Variants in TSHR observed in about 807,000 individuals in gnomAD.
TSHR encodes thyroid stimulating hormone receptor, also known as thyrotropin receptor.
A neutral mutation model predicts 64.1 loss-of-function variants in TSHR; 51 were observed. The ratio of observed to expected loss-of-function variants is 0.80; its 90% CI spans 0.64 to 1.01. The LOEUF is 1.01. TSHR is among the 50% of genes least tolerant of loss of function. The pLI is 0.00. For missense variants in TSHR, 877 were observed against 942.8 expected (o/e 0.93, Z 0.91); for synonymous variants, 361 against 361.9 (o/e 1.00, Z 0.03).
intron 1 of TSHR, among the ~76,000 whole-genome samples, chr14:81,048,938 T>G (rs967548060): frequency 2.0e-5 from 3 of 152,186 alleles, no homozygotes; most frequent in African/African-American, 7.2e-5. Flanking sequence ...TATAAGTGTT[T>G]TGGTCTTTAT....
At chr14:81,006,878 C>A (rs1889635262) in intron 1 of TSHR, among the ~76,000 whole-genome samples, 2 of 152,140 alleles carry the variant, frequency 1.3e-5, no homozygotes, top group African/African-American at 4.8e-5. Flanking sequence ...GATGGGGACA[C>A]AAGTTAGCCC....
chr14:81,114,519 G>A (rs904249771), intron 8 of TSHR, among the ~76,000 whole-genome samples: 14 of 152,202 alleles, frequency 9.2e-5, no homozygotes, highest in East Asian at 5.8e-4. Flanking sequence ...CACCTGGCTC[G>A]GAGGGTCCTA....
Position 80,999,852 on chromosome 14 carries a change from C to G in TSHR, c.170+44002C>G, listed in dbSNP as rs73347938. On this transcript the variant is annotated intron_variant, in intron 1 of 9. Transcript: ENST00000298171. Reference sequence around the variant, plus strand: ...GCAATCTCCAATTTATAGGGCTGCACTGTAGAAGTCATTTGTTTGGAATGT... The same window carrying G: ...GCAATCTCCAATTTATAGGGCTGCAGTGTAGAAGTCATTTGTTTGGAATGT... Among the ~76,000 whole-genome samples the G allele has an allele frequency of 7.0e-3, 1,065 of 151,852 alleles. 10 individuals are homozygous for G. The highest frequency in any genetic ancestry group is 0.024 in the African/African-American group (987 of 41,408).
At position 81,071,576 on chromosome 14, in the gene TSHR, C is replaced by T. The variant is rs565367284; in HGVS notation, c.317+3248C>T. Among the ~76,000 whole-genome samples the T allele has an allele frequency of 2.6e-5, 4 of 152,118 alleles. No homozygotes were observed. The South Asian group carries it at 8.3e-4, about 32-fold the overall frequency. On this transcript the variant is annotated intron_variant, in intron 3 of 9. Transcript: ENST00000298171. ...TCTAGAGTTTCTCAGCCAGCCTGGA[C>T]AACATAGTGAGATCTTGTCTCTACC... is the stretch of plus-strand genomic sequence containing the variant.
intron 1 of TSHR, among the ~76,000 whole-genome samples, chr14:81,011,872 A>C (rs1196008760): frequency 2.0e-5 from 3 of 152,154 alleles, no homozygotes; most frequent in Admixed American, 6.5e-5. Context: ...ATAAATAAAT[A>C]AATAAATAAA....
At chr14:81,035,881 TA>T (rs144806748) in intron 1 of TSHR, among the ~76,000 whole-genome samples, 19,314 of 130,738 alleles carry the variant, frequency 0.15, 1,557 homozygotes, top group Non-Finnish European at 0.21. Context: ...AAAATAAAAA[TA>T]AATAAAAATA....
At chr14:80,965,566 C>G (rs1887257269) in intron 1 of TSHR, among the ~76,000 whole-genome samples, 1 of 152,188 alleles carries the variant, frequency 6.6e-6, no homozygotes, top group Admixed American at 6.5e-5. Context: ...CATACTGACT[C>G]TGTTTCCATT....
intron 1 of TSHR, among the ~76,000 whole-genome samples, chr14:81,037,448 A>AAAAAAAAAAAAAAAAAATAAAAAAAAAAC (rs1273226258): frequency 7.8e-6 from 1 of 128,456 alleles, no homozygotes; most frequent in Non-Finnish European, 1.8e-5. Flanking sequence ...AACAAACAAA[A>AAAAAAAAAAAAAAAAAATAAAAAAAAAAC]AACAGAAAAT....
chr14:81,108,296 T>C, intron 7 of TSHR, 79 bp from the exon 8 acceptor site: 1 of 1,170,376 alleles, frequency 8.5e-7, no homozygotes, highest in South Asian at 1.2e-5. Context: ...CATTTTATTC[T>C]GATATTTGTA....
At chr14:80,966,165 A>G (rs549038402) in intron 1 of TSHR, among the ~76,000 whole-genome samples, 34 of 152,198 alleles carry the variant, frequency 2.2e-4, no homozygotes, top group Non-Finnish European at 4.7e-4. Flanking sequence ...GTTTCCTCTT[A>G]TTGCCAGGTA....
intron 1 of TSHR, among the ~76,000 whole-genome samples, chr14:81,009,182 C>T (rs879825696): frequency 7.9e-5 from 12 of 152,088 alleles, no homozygotes; most frequent in Non-Finnish European, 1.3e-4. Context: ...GCTTTTATGT[C>T]CTCTTCATTT....
intron 7 of TSHR, among the ~76,000 whole-genome samples, chr14:81,101,006 T>A (rs1889544163): frequency 6.6e-6 from 1 of 152,196 alleles, no homozygotes; most frequent in African/African-American, 2.4e-5. Flanking sequence ...AACCCTCTAA[T>A]TATTTATTGA....
chr14:80,999,528 C>T (rs900316208), intron 1 of TSHR, among the ~76,000 whole-genome samples: 10 of 152,198 alleles, frequency 6.6e-5, no homozygotes, highest in South Asian at 2.1e-4. Flanking sequence ...AGTTTTGTAA[C>T]ATTAGCAGGT....
At position 81,125,872 on chromosome 14, in the gene TSHR, G is replaced by A. The variant is rs141296632; in HGVS notation, c.693-13807G>A. On this transcript the variant is annotated intron_variant, in intron 8 of 9. Coordinates refer to ENST00000298171, the MANE Select transcript of TSHR (RefSeq NM_000369.5). Reference sequence around the variant, plus strand: ...GTAGGTCATCCCTCCTAAGTCACACGCTCACATCTCCAGAGGCACAGCAAA... The same window carrying A: ...GTAGGTCATCCCTCCTAAGTCACACACTCACATCTCCAGAGGCACAGCAAA... Among the ~76,000 whole-genome samples the A allele has an allele frequency of 6.6e-5, 10 of 151,818 alleles. No individual in the cohort carries two copies. In the East Asian group the frequency reaches 7.7e-4, roughly 12 times the overall value.
intron 8 of TSHR, among the ~76,000 whole-genome samples, chr14:81,116,095 A>G (rs949605023): frequency 3.3e-5 from 5 of 152,130 alleles, no homozygotes; most frequent in Non-Finnish European, 7.3e-5. Flanking sequence ...TGTAAAGACC[A>G]TCGAGACTAG....
intron 1 of TSHR, among the ~76,000 whole-genome samples, chr14:81,059,473 T>A (rs1017104987): frequency 6.6e-6 from 1 of 152,198 alleles, no homozygotes; most frequent in African/African-American, 2.4e-5. Context: ...GCAAAATGTA[T>A]GAACTGTTAA....
intron 7 of TSHR, 63 bp downstream of exon 7, chr14:81,096,770 C>CAGA: frequency 6.5e-7 from 1 of 1,536,022 alleles, no homozygotes; most frequent in Non-Finnish European, 9.0e-7. Context: ...TCCAATGGGG[C>CAGA]AGAATGCTGT....
At chr14:81,098,315 C>T (rs780023783) in intron 7 of TSHR, among the ~76,000 whole-genome samples, 1 of 152,098 alleles carries the variant, frequency 6.6e-6, no homozygotes, top group Non-Finnish European at 1.5e-5. Flanking sequence ...GAGATACAAG[C>T]TAGATTTTTT....
chr14:81,097,846 T>C (rs1325655040), intron 7 of TSHR, among the ~76,000 whole-genome samples: 1 of 152,198 alleles, frequency 6.6e-6, no homozygotes, highest in African/African-American at 2.4e-5. Context: ...CTTTATGAAA[T>C]GAAGAGTTAC....
Sources: allele counts gnomAD v4.1 joint callset (sites outside exome capture counted in the v4.1 genomes callset), GRCh38; gene constraint gnomAD v4.1.1; transcripts MANE v1.5; gene names NCBI Gene and HGNC (gene_info 2026-07-23, HGNC 2026-07-21).